Variants in GPM6A observed in about 807,000 individuals in gnomAD.
GPM6A encodes the protein glycoprotein M6A, also known as neuronal membrane glycoprotein M6-a.
GPM6A carries 7 observed loss-of-function variants against 32.1 expected under a neutral mutation model. The observed-to-expected ratio is 0.22, with a 90% CI of 0.12 to 0.41. The LOEUF is 0.41. GPM6A is among the 10% of genes least tolerant of loss of function. GPM6A has a pLI of 1.00. For missense variants in GPM6A, 235 were observed against 347.2 expected (o/e 0.68, Z 2.57); for synonymous variants, 130 against 123.4 (o/e 1.05, Z -0.35).
chr4:175,704,350 C>T (rs1435677016), intron 1 of GPM6A, among the ~76,000 whole-genome samples: 3 of 151,520 alleles, frequency 2.0e-5, no homozygotes, highest in Non-Finnish European at 4.4e-5. Flanking sequence ...TGCACGTGTG[C>T]ACGCCCCCCC....
chr4:175,709,885 C>T (rs559400483), intron 1 of GPM6A, among the ~76,000 whole-genome samples: 1 of 151,982 alleles, frequency 6.6e-6, no homozygotes, highest in Non-Finnish European at 1.5e-5. Flanking sequence ...TTGAACACTG[C>T]TAGTCATGAT....
At chr4:175,930,579 C>A (rs184429818) in intron 1 of GPM6A, among the ~76,000 whole-genome samples, 1 of 151,710 alleles carries the variant, frequency 6.6e-6, no homozygotes, top group Admixed American at 6.6e-5. Flanking sequence ...TTATAAGAAC[C>A]TTTTTTTGCT....
rs1004416345 is a variant in GPM6A at position 175,914,161 on chromosome 4, T to G, written c.-23+88148A>C. ...AAAGAGAAAAGGAAAAAAAAATGTGTGGGGGGGGTAGGGATATGTAGTGAG... is the reference window on the plus strand; with the variant it reads ...AAAGAGAAAAGGAAAAAAAAATGTGGGGGGGGGGTAGGGATATGTAGTGAG... On this transcript the variant is annotated intron_variant, in intron 1 of 7. Transcript: ENST00000280187. Among the ~76,000 whole-genome samples the G allele has an allele frequency of 1.1e-4, 16 of 150,022 alleles. No individual in the cohort carries two copies. In the South Asian group the frequency reaches 1.5e-3, roughly 14 times the overall value.
At chr4:175,823,677 C>G (rs1735346156) in intron 1 of GPM6A, among the ~76,000 whole-genome samples, 1 of 152,176 alleles carries the variant, frequency 6.6e-6, no homozygotes, top group Non-Finnish European at 1.5e-5. Flanking sequence ...CAAGTTTTCT[C>G]AGCTTTATCA....
intron 6 of GPM6A, among the ~76,000 whole-genome samples, chr4:175,637,526 T>G (rs1313251188): frequency 1.7e-4 from 1 of 5,782 alleles, no homozygotes; most frequent in African/African-American, 4.7e-4. Flanking sequence ...TTTTTATATA[T>G]ATAAAAATAT....
intron 1 of GPM6A, among the ~76,000 whole-genome samples, chr4:175,896,332 G>A (rs1737792947): frequency 6.6e-6 from 1 of 151,972 alleles, no homozygotes; most frequent in South Asian, 2.1e-4. Context: ...AAACTTTTTA[G>A]GGTCACAGGT....
chr4:175,694,413 G>A (rs1419578592), intron 2 of GPM6A, among the ~76,000 whole-genome samples: 1 of 152,330 alleles, frequency 6.6e-6, no homozygotes, highest in Non-Finnish European at 1.5e-5. Context: ...AGTCTAGGCT[G>A]AGGAGTTCTT....
intron 3 of GPM6A, among the ~76,000 whole-genome samples, chr4:175,658,051 G>C (rs1742186235): frequency 6.6e-6 from 1 of 152,126 alleles, no homozygotes. Flanking sequence ...ATCGTTGTCA[G>C]CATTATAGCC....
At chr4:175,986,692 T>C (rs1312027936) in intron 1 of GPM6A, among the ~76,000 whole-genome samples, 3 of 152,240 alleles carry the variant, frequency 2.0e-5, no homozygotes, top group African/African-American at 4.8e-5. Context: ...GCTGCTAGAA[T>C]GATCGTTTTA....
intron 1 of GPM6A, among the ~76,000 whole-genome samples, chr4:175,797,335 C>G (rs567744864): frequency 6.6e-6 from 1 of 152,046 alleles, no homozygotes; most frequent in Non-Finnish European, 1.5e-5. Context: ...TTGGGGCTTT[C>G]ATAATCTTGT....
chr4:175,831,498 T>C (rs1415093403), intron 1 of GPM6A, among the ~76,000 whole-genome samples: 3 of 152,176 alleles, frequency 2.0e-5, no homozygotes, highest in Non-Finnish European at 2.9e-5. Context: ...GCATGAAATT[T>C]AAAATACTCC....
chr4:175,855,318 T>C lies in GPM6A; in HGVS notation c.-22-43069A>G, dbSNP rs184432754. On this transcript the variant is annotated intron_variant, in intron 1 of 7. Transcript: ENST00000280187. ...CAACTATAGTCCAAATGTTCAAAAG[T>C]TCAGTTTGCATTTGCAAAACTTATA... 1.4e-4 allele frequency among the ~76,000 whole-genome samples: 21 copies of C among 152,308 alleles called. No homozygotes were observed. In the Middle Eastern group the frequency reaches 0.01, roughly 74 times the overall value.
intron 1 of GPM6A, among the ~76,000 whole-genome samples, chr4:175,717,046 A>G (rs554699082): frequency 6.6e-6 from 1 of 152,202 alleles, no homozygotes; most frequent in Admixed American, 6.5e-5. Flanking sequence ...TTTCCTTTAC[A>G]TTAACTTACC....
intron 1 of GPM6A, among the ~76,000 whole-genome samples, chr4:175,781,593 T>C (rs1160980294): frequency 2.0e-5 from 3 of 152,228 alleles, no homozygotes; most frequent in Non-Finnish European, 2.9e-5. Flanking sequence ...CATTCGGTCA[T>C]TACCTCAATG....
At chr4:175,883,103 G>A (rs1230502819) in intron 1 of GPM6A, among the ~76,000 whole-genome samples, 1 of 152,020 alleles carries the variant, frequency 6.6e-6, no homozygotes, top group Non-Finnish European at 1.5e-5. Flanking sequence ...TGACCACAGA[G>A]TCTGCAGTAC....
In GPM6A at chr4:175,760,221, A is replaced by G. The variant is rs137971921; in HGVS notation, c.37+51970T>C. On this transcript the variant is annotated intron_variant, in intron 1 of 6. Transcript: ENST00000393658. ...AATAAAATAAAATAAATCTAAATAA[A>G]TACATCTAAAACGCTTTCTCCTCCA... Among the ~76,000 whole-genome samples, 440 of 152,184 alleles carry G rather than the reference A, an allele frequency of 2.9e-3. 2 individuals carry two copies. Among genetic ancestry groups the G allele is most frequent in the Non-Finnish European group, 4.7e-3 (322 of 68,000 alleles).
At position 175,738,984 on chromosome 4, in the gene GPM6A, A is replaced by C. The variant is rs374427987; in HGVS notation, c.38-37217T>G. 1.7e-4 allele frequency among the ~76,000 whole-genome samples: 26 copies of C among 152,330 alleles called. No homozygotes were observed. In the East Asian group the frequency reaches 3.9e-3, roughly 23 times the overall value. On this transcript the variant is annotated intron_variant, in intron 1 of 6. Transcript: ENST00000393658. ...CTAGTAGTCTTTGCTTTCATGAAAA[A>C]AACATTTAAGTACAAAACTGACATA...
rs188588579 is a variant in GPM6A at position 175,644,461 on chromosome 4, C to A, written c.542-3632G>T. On this transcript the variant is annotated intron_variant, in intron 4 of 6. Transcript: ENST00000393658. Reference sequence around the variant, plus strand: ...GTGTATATATACACACACACGCACACATAAAATAAAGTTTTTGTGATAAGT... The same window carrying A: ...GTGTATATATACACACACACGCACAAATAAAATAAAGTTTTTGTGATAAGT... Among the ~76,000 whole-genome samples, 252 of 151,644 alleles carry A rather than the reference C, an allele frequency of 1.7e-3. 2 individuals carry two copies. In the Middle Eastern group the frequency reaches 0.024, roughly 14 times the overall value.
At chr4:175,812,279 T>A (rs1376964570), upstream of GPM6A, 1 of 1,312,686 alleles carries the variant, frequency 7.6e-7, no homozygotes, top group Non-Finnish European at 9.9e-7. Context: ...AAAAGCTCAA[T>A]TAGATGTTGG....
Sources: gnomAD v4.1 joint callset for allele counts (sites outside exome capture counted in the v4.1 genomes callset) on GRCh38, gnomAD v4.1.1 for gene constraint, MANE v1.5 for transcripts, NCBI Gene and HGNC (gene_info 2026-07-23, HGNC 2026-07-21) for gene names.